Variants in ATM observed in about 807,000 individuals in gnomAD.
ATM encodes serine-protein kinase ATM.
In ATM, 308 loss-of-function variants were observed where a neutral mutation model predicts 387.0. That is an observed-to-expected ratio of 0.80 (90% CI 0.73 to 0.87). The LOEUF (loss-of-function observed/expected upper bound fraction) is 0.87, where lower values mean the gene tolerates loss of function less well. Among genes scored for constraint, ATM ranks in the 40% least tolerant of loss-of-function variants. The pLI is 0.00. For synonymous variants in ATM, 1,156 were observed against 1,187.3 expected (o/e 0.97, Z 0.54); for missense variants, 3,312 against 3,560.9 (o/e 0.93, Z 1.78).
rs762480749 is a variant in ATM at position 108,317,328 on chromosome 11, A to G, written c.6199-45A>G. 5.7e-6 allele frequency: 9 copies of G among 1,585,014 alleles called. No individual in the cohort carries two copies. In the African/African-American group the frequency reaches 9.5e-5, roughly 17 times the overall value. On this transcript the variant is annotated intron_variant, in intron 42 of 62. Coordinates refer to ENST00000675843, the MANE Select transcript of ATM (RefSeq NM_000051.4). ...TGTTTTTTTCTCTGGTTTTCTGTTGATATCTTTGATTACTTAACTTAAAAA... is the reference window on the plus strand; with the variant it reads ...TGTTTTTTTCTCTGGTTTTCTGTTGGTATCTTTGATTACTTAACTTAAAAA...
rs876660105 is a variant in ATM, at chr11:108,331,440, G to T, written c.7516-4G>T. ...TTAATTTTGTGTCTTTTTTTTAATG[G>T]TAGAGAGACGGAATGAAGATTCCAA... On this transcript the variant is annotated splice_region_variant and splice_polypyrimidine_tract_variant and intron_variant, in intron 50 of 62. Coordinates refer to ENST00000675843, the MANE Select transcript of ATM (RefSeq NM_000051.4). 1 of 1,611,162 alleles carries T rather than the reference G, an allele frequency of 6.2e-7. No individual in the cohort carries two copies.
intron 29 of ATM, among the ~76,000 whole-genome samples, chr11:108,290,957 C>T (rs149742592): frequency 6.6e-6 from 1 of 151,442 alleles, no homozygotes; most frequent in African/African-American, 2.4e-5. Context: ...GTTGTTCGGC[C>T]GGGTGTAGTG....
At chr11:108,330,493 A>G in intron 50 of ATM, 72 bp downstream of exon 50, 1 of 1,437,172 alleles carries the variant, frequency 7.0e-7, no homozygotes, top group Non-Finnish European at 9.8e-7. Flanking sequence ...GATGTCAGGA[A>G]TCGTGTATAC....
At chr11:108,358,231 G>A in intron 61 of ATM, among the ~76,000 whole-genome samples, 1 of 151,032 alleles carries the variant, frequency 6.6e-6, no homozygotes, top group Non-Finnish European at 1.5e-5. Context: ...GAAGCGAGAA[G>A]GGAAGTTCAG....
chr11:108,318,901 C>T (rs754734294), intron 43 of ATM, among the ~76,000 whole-genome samples: 11 of 151,712 alleles, frequency 7.3e-5, no homozygotes, highest in Admixed American at 4.6e-4. Context: ...ATTGGCCGAG[C>T]GCGGTGGCTC....
chr11:108,246,852 A>C (rs112161836), intron 7 of ATM, 112 bp from the exon 8 acceptor site: 1 of 807,958 alleles, frequency 1.2e-6, no homozygotes, highest in East Asian at 2.7e-5. Flanking sequence ...GGAAGGTTGG[A>C]CCAGGTGTCT....
chr11:108,312,405 A>C lies in ATM; in HGVS notation c.5919-6A>C. 1 of 1,574,818 alleles carries C rather than the reference A, an allele frequency of 6.3e-7. No homozygotes were observed. Among genetic ancestry groups the C allele is most frequent in the East Asian group, 2.2e-5 (1 of 44,538 alleles). ...TCATTAAAAGAGGTGTTCTTGTGAC[A>C]AACAGAAGTCTTGCATTTGAAGAAG... On this transcript the variant is annotated splice_polypyrimidine_tract_variant and splice_region_variant and intron_variant, in intron 39 of 62. Coordinates refer to ENST00000675843, the MANE Select transcript of ATM (RefSeq NM_000051.4).
intron 4 of ATM, among the ~76,000 whole-genome samples, chr11:108,234,381 C>G (rs772387419): frequency 6.9e-4 from 105 of 152,136 alleles, no homozygotes; most frequent in Middle Eastern, 3.4e-3. Flanking sequence ...TTAAGATTGT[C>G]AGTATGGAAA....
intron 9 of ATM, 60 bp downstream of exon 9, chr11:108,249,162 G>T: frequency 6.3e-7 from 1 of 1,592,944 alleles, no homozygotes; most frequent in Non-Finnish European, 8.6e-7. Flanking sequence ...TTATTTTTCA[G>T]AAAACTTTCA....
In ATM at chr11:108,292,687, G is replaced by T. The variant is rs759340881; in HGVS notation, c.4505G>T (p.Cys1502Phe). The T allele has an allele frequency of 1.5e-5, 25 of 1,613,164 alleles. No individual in the cohort carries two copies. The highest frequency in any genetic ancestry group is 2.0e-5 in the Non-Finnish European group (24 of 1,179,762). ...SLCCDLLSQV[C>F]QTAVTYCKDA... ...TGTTGTGACTTATTAAGTCAGGTTT[G>T]CCAGACAGCCGTGACTTACTGTAAG... Residue 1502 changes from cysteine (C) to phenylalanine (F), a missense_variant, in exon 30 of 63, where the codon TGC becomes TTC. Cys to Phe is a radical substitution (Grantham distance 205). Coordinates refer to ENST00000675843, the MANE Select transcript of ATM (RefSeq NM_000051.4).
At chr11:108,303,559 G>A (rs1300564347) in intron 36 of ATM, among the ~76,000 whole-genome samples, 1 of 152,136 alleles carries the variant, frequency 6.6e-6, no homozygotes, top group Non-Finnish European at 1.5e-5. Flanking sequence ...TTATAGCACT[G>A]TCAAATGTGA....
At chr11:108,255,332 T>C (rs1393521569) in intron 13 of ATM, among the ~76,000 whole-genome samples, 3 of 151,994 alleles carry the variant, frequency 2.0e-5, no homozygotes, top group Non-Finnish European at 4.4e-5. Context: ...TCTCCTAAAA[T>C]GCCGTTTCCT....
chr11:108,320,410 G>A (rs888012049), intron 44 of ATM, among the ~76,000 whole-genome samples: 1 of 152,124 alleles, frequency 6.6e-6, no homozygotes, highest in Non-Finnish European at 1.5e-5. Context: ...TTACAAACTT[G>A]TTTTGAGGCA....
At chr11:108,255,583 G>A (rs768225137) in intron 13 of ATM, among the ~76,000 whole-genome samples, 3 of 151,708 alleles carry the variant, frequency 2.0e-5, no homozygotes, top group African/African-American at 4.8e-5. Context: ...CTGCCATCAC[G>A]CCCTGCTAAT....
intron 3 of ATM, among the ~76,000 whole-genome samples, chr11:108,228,289 A>C (rs942888723): frequency 1.3e-5 from 2 of 152,202 alleles, no homozygotes; most frequent in African/African-American, 4.8e-5. Flanking sequence ...AAGTAAAAGG[A>C]AGATTGGAAT....
At chr11:108,235,544 T>G (rs1456804455) in intron 4 of ATM, 126 bp from the exon 5 acceptor site, 7 of 929,442 alleles carry the variant, frequency 7.5e-6, no homozygotes, top group Non-Finnish European at 1.1e-5. Flanking sequence ...TTTGCCAATT[T>G]CTTCTCTACA....
At chr11:108,271,605 A>T (rs998205323) in intron 20 of ATM, among the ~76,000 whole-genome samples, 199 bp downstream of exon 20, 2 of 152,206 alleles carry the variant, frequency 1.3e-5, no homozygotes, top group African/African-American at 4.8e-5. Flanking sequence ...TGGCTTTCTA[A>T]ACCGTTTAAC....
Position 108,235,801 on chromosome 11 carries a change from T to C in ATM, c.463T>C (p.Tyr155His). Residue 155 changes from tyrosine to histidine, a missense_variant, in exon 5 of 63, where the codon TAC (tyrosine) becomes CAC (histidine). This residue lies in a region of ATM where 1,791 missense variants were observed against 1,804.5 expected (regional missense o/e 0.99). Transcript: ENST00000675843. ...LLKDILSVRK[Y>H]WCEISQQQWL... ...CAAAGACATTCTTTCTGTGAGAAAA[T>C]ACTGGTGTGAAATATCTCAGCAACA... 6.2e-7 allele frequency: 1 copy of C among 1,613,890 alleles called. No homozygotes were observed. Among genetic ancestry groups the C allele is most frequent in the Non-Finnish European group, 8.5e-7 (1 of 1,179,880 alleles).
chr11:108,282,810 A>G lies in ATM; in HGVS notation c.3677A>G (p.Asp1226Gly), dbSNP rs1555092445. Reference protein sequence around the residue: ...YLVLEWLNLQDTEYNLSSFPF... With the variant: ...YLVLEWLNLQGTEYNLSSFPF... The stretch of plus-strand genomic sequence containing the variant: ...GTTTTGGAATGGCTAAATCTTCAAG[A>G]TACTGAATACAACTTATCTTCTTTT... Residue 1226 changes from aspartate (D) to glycine (G), a missense_variant, in exon 25 of 63, where the codon GAT becomes GGT. Transcript: ENST00000675843. 1 of 1,565,134 alleles carries G rather than the reference A, an allele frequency of 6.4e-7. No homozygotes were observed.
Sources: gnomAD v4.1 joint callset for allele counts (sites outside exome capture counted in the v4.1 genomes callset) on GRCh38, gnomAD v4.1.1 for gene constraint, gnomAD v4.1.1 regional missense constraint, MANE v1.5 for transcripts, NCBI Gene and HGNC (gene_info 2026-07-23, HGNC 2026-07-21) for gene names.